CLASP1: variants seen among roughly 807,000 people sequenced by gnomAD.
The protein encoded by CLASP1 is CLIP-associating protein 1.
Under a neutral mutation model 192.3 loss-of-function variants are expected in CLASP1, and 38 were observed. That is an observed-to-expected ratio of 0.20 (90% CI 0.15 to 0.26). The LOEUF (loss-of-function observed/expected upper bound fraction) is 0.26. Among genes scored for constraint, CLASP1 ranks in the 10% least tolerant of loss-of-function variants. The pLI is 1.00. For synonymous variants in CLASP1, 691 were observed against 712.8 expected (o/e 0.97, Z 0.49); for missense variants, 1,433 against 1,932.5 (o/e 0.74, Z 4.85).
exon 31 of CLASP1, chr2:121,387,903 C>T: frequency 6.2e-7 from 1 of 1,607,542 alleles, no homozygotes. Context: ...ACAATCTGTG[C>T]TGCCTAGAAA....
At chr2:121,531,005 AAAATGAAAACCTGTTTTCATAG>A (rs2094811794) in intron 2 of CLASP1, 1 of 700,228 alleles carries the variant, frequency 1.4e-6, no homozygotes, top group African/African-American at 1.7e-5. Flanking sequence ...AATTTTTGGA[AAAATGAAAACCTGTTTTCATAG>A]ACTTATCAGT....
intron 2 of CLASP1, among the ~76,000 whole-genome samples, chr2:121,586,152 T>A (rs886585500): frequency 6.6e-6 from 1 of 152,080 alleles, no homozygotes; most frequent in Admixed American, 6.6e-5. Flanking sequence ...TTTTGAGACA[T>A]AGTCTCCTTC....
intron 1 of CLASP1, among the ~76,000 whole-genome samples, chr2:121,612,036 A>AG (rs2065656166): frequency 8.8e-6 from 1 of 113,684 alleles, no homozygotes; most frequent in Non-Finnish European, 1.8e-5. Context: ...AGGAACTGGA[A>AG]GAGGAGGAGT....
intron 14 of CLASP1, among the ~76,000 whole-genome samples, chr2:121,453,892 T>C (rs1230962464): frequency 1.3e-5 from 2 of 152,188 alleles, no homozygotes; most frequent in African/African-American, 4.8e-5. Context: ...ACTGCTCTCT[T>C]AAGCTCCCTC....
intron 2 of CLASP1, among the ~76,000 whole-genome samples, chr2:121,554,190 G>A (rs1427891656): frequency 6.6e-6 from 1 of 151,994 alleles, no homozygotes; most frequent in Non-Finnish European, 1.5e-5. Flanking sequence ...ACTCTGGCCT[G>A]AGCGACAAAG....
intron 14 of CLASP1, among the ~76,000 whole-genome samples, chr2:121,454,775 A>T (rs1035577312): frequency 3.6e-4 from 55 of 152,230 alleles, no homozygotes; most frequent in African/African-American, 1.3e-3. Flanking sequence ...CTTATCGGAG[A>T]AATTTTGCCT....
At chr2:121,436,763 T>C (rs1267305057) in intron 19 of CLASP1, among the ~76,000 whole-genome samples, 3 of 152,152 alleles carry the variant, frequency 2.0e-5, no homozygotes, top group Non-Finnish European at 2.9e-5. Context: ...TCTTCAAATA[T>C]TGTCTCTGCC....
chr2:121,603,877 T>A (rs991442481), intron 2 of CLASP1, among the ~76,000 whole-genome samples: 1 of 152,074 alleles, frequency 6.6e-6, no homozygotes, highest in African/African-American at 2.4e-5. Context: ...GTTAATCTCA[T>A]AAGTAAAAAG....
chr2:121,422,106 T>G (rs1402955717), intron 22 of CLASP1, among the ~76,000 whole-genome samples: 2 of 152,166 alleles, frequency 1.3e-5, no homozygotes, highest in African/African-American at 4.8e-5. Flanking sequence ...AGATACCCAT[T>G]TGATTGGTTT....
At chr2:121,350,420 T>C (rs985333003) in intron 37 of CLASP1, among the ~76,000 whole-genome samples, 11 of 152,146 alleles carry the variant, frequency 7.2e-5, no homozygotes, top group Admixed American at 4.6e-4. Context: ...CTGAGCTGTG[T>C]AGCAGACAGG....
At chr2:121,379,269 A>C (rs1308255344) in intron 33 of CLASP1, among the ~76,000 whole-genome samples, 1 of 152,226 alleles carries the variant, frequency 6.6e-6, no homozygotes, top group Non-Finnish European at 1.5e-5. Flanking sequence ...AAACAAAAAG[A>C]AATGTGAACC....
At chr2:121,518,827 G>A (rs1298594410) in intron 6 of CLASP1, among the ~76,000 whole-genome samples, 9 of 152,194 alleles carry the variant, frequency 5.9e-5, no homozygotes, top group Admixed American at 3.3e-4. Flanking sequence ...GCAGTGAGCC[G>A]AGATTACACC....
chr2:121,479,052 C>A (rs1196455456), intron 8 of CLASP1, among the ~76,000 whole-genome samples: 13 of 91,064 alleles, frequency 1.4e-4, no homozygotes, highest in South Asian at 3.7e-4. Flanking sequence ...CACACACCCC[C>A]CCCCCACACA....
chr2:121,432,380 A>C (rs1463831675), intron 19 of CLASP1, among the ~76,000 whole-genome samples: 2 of 152,066 alleles, frequency 1.3e-5, no homozygotes, highest in African/African-American at 2.4e-5. Flanking sequence ...TGGCCTCCTA[A>C]AGTTCTGGGA....
At chr2:121,594,413 G>A (rs1477538295) in intron 2 of CLASP1, among the ~76,000 whole-genome samples, 1 of 149,448 alleles carries the variant, frequency 6.7e-6, no homozygotes, top group Non-Finnish European at 1.5e-5. Context: ...TTTTTTAAGA[G>A]ACGGAGTCTT....
intron 21 of CLASP1, 113 bp downstream of exon 21, chr2:121,427,291 G>T: frequency 7.7e-7 from 1 of 1,301,560 alleles, no homozygotes. Context: ...AACGCAGAAA[G>T]ATTAACTAAG....
intron 8 of CLASP1, among the ~76,000 whole-genome samples, chr2:121,478,255 T>A (rs1300797138): frequency 6.6e-6 from 1 of 152,084 alleles, no homozygotes; most frequent in Non-Finnish European, 1.5e-5. Context: ...AACGCTTTCA[T>A]GCTAAAAACA....
rs1041698998 is a variant in CLASP1, at chr2:121,415,108, C to T, written c.2320+3514G>A. Among the ~76,000 whole-genome samples the T allele has an allele frequency of 3.9e-5, 6 of 152,138 alleles. No homozygotes were observed. The East Asian group carries it at 7.7e-4, about 20-fold the overall frequency. On this transcript the variant is annotated intron_variant, in intron 23 of 39. Transcript: ENST00000263710. ...TCCTAATTATTAGTACTTGTGTAAT[C>T]GTTTGAATTTAGCTGTATTAAGTTC... is the stretch of plus-strand genomic sequence containing the variant.
chr2:121,585,954 C>T (rs1006162138), intron 2 of CLASP1, among the ~76,000 whole-genome samples: 1 of 151,354 alleles, frequency 6.6e-6, no homozygotes, highest in Non-Finnish European at 1.5e-5. Context: ...CTCAAGAGCA[C>T]AGCTACTTGG....
Sources: allele counts gnomAD v4.1 joint callset (sites outside exome capture counted in the v4.1 genomes callset), GRCh38; gene constraint gnomAD v4.1.1; transcripts MANE v1.5; gene names NCBI Gene and HGNC (gene_info 2026-07-23, HGNC 2026-07-21).